The following IQGAP3 variants were observed in gnomAD, a reference collection of about 807,000 sequenced individuals.
IQGAP3 encodes the protein ras GTPase-activating-like protein IQGAP3.
Under a neutral mutation model 208.2 loss-of-function variants are expected in IQGAP3, and 165 were observed. That is an observed-to-expected ratio of 0.79 (90% CI 0.70 to 0.90). IQGAP3 has a LOEUF of 0.90. IQGAP3 is among the 40% of genes least tolerant of loss of function. The probability of loss-of-function intolerance (pLI) is 0.00; values close to 1 mark genes in which losing one functional copy is unlikely to be tolerated. For missense variants in IQGAP3, 1,811 were observed against 2,043.1 expected (o/e 0.89, Z 2.19); for synonymous variants, 703 against 803.6 (o/e 0.87, Z 2.12).
rs1384908384 is a variant in IQGAP3, at chr1:156,535,200, T to C, written c.3470A>G (p.Glu1157Gly). The C allele has an allele frequency of 6.2e-7, 1 of 1,613,662 alleles. No homozygotes were observed. The highest frequency in any genetic ancestry group is 8.5e-7 in the Non-Finnish European group (1 of 1,179,780). The change falls in exon 28 of 38, where the codon GAG becomes GGG. Residue 1157 changes from glutamate (E) to glycine (G), a missense_variant. Coordinates refer to ENST00000361170, the MANE Select transcript of IQGAP3 (RefSeq NM_178229.5). The part of the protein sequence containing the change: ...VAKVLKATLA[E>G]KFPDATDSEV... Reference sequence around the variant, plus strand: ...GCTGTCTGTGGCGTCAGGGAATTTCTCTGCCAGAGTTGCCTTCAGGACTTT... The same window carrying C: ...GCTGTCTGTGGCGTCAGGGAATTTCCCTGCCAGAGTTGCCTTCAGGACTTT...
At position 156,537,297 on chromosome 1, in the gene IQGAP3, C is replaced by T. The variant is rs763913370; in HGVS notation, c.3306G>A (p.Pro1102=). ...QRSHLPYDVT[P]EQALSHPEVQ... is the part of the protein sequence containing the mutation. ...CCTCGGGGTGGCTCAAGGCCTGCTC[C>T]GGGGTGACATCATATGGGAGATGGC... The change falls in exon 27 of 38, where the codon CCG becomes CCA. Residue 1102 remains proline (P), a synonymous_variant. Coordinates refer to ENST00000361170, the MANE Select transcript of IQGAP3 (RefSeq NM_178229.5). 1.6e-5 allele frequency: 26 copies of T among 1,613,554 alleles called. No homozygotes were observed. The highest frequency in any genetic ancestry group is 5.5e-5 in the South Asian group (5 of 91,048).
In IQGAP3 at chr1:156,540,837, A is replaced by G. The variant is rs754383497; in HGVS notation, c.2610T>C (p.Ala870=). ...LLNQSQQDFL[A]EAELLKLQEE... The stretch of plus-strand genomic sequence containing the variant: ...CCTGGAGCTTCAGCAGCTCTGCCTC[A>G]GCCAAGAAGTCTTGCTGGCTTTGAT... Residue 870 remains alanine (A), a synonymous_variant, in exon 23 of 38, where the codon GCT becomes GCC. Coordinates refer to ENST00000361170, the MANE Select transcript of IQGAP3 (RefSeq NM_178229.5). The G allele has an allele frequency of 6.2e-7, 1 of 1,614,106 alleles. No homozygotes were observed. Among genetic ancestry groups the G allele is most frequent in the Admixed American group, 1.7e-5 (1 of 60,012 alleles).
intron 27 of IQGAP3, 43 bp from the exon 28 acceptor site, chr1:156,535,290 A>G: frequency 1.5e-6 from 2 of 1,368,636 alleles, no homozygotes; most frequent in East Asian, 2.3e-5. Context: ...GCCTCTGCCC[A>G]TCTCTCTCTG....
Position 156,526,302 on chromosome 1 carries a change from A to G in IQGAP3, c.*184T>C, listed in dbSNP as rs1386652516. 2 of 593,084 alleles carry G rather than the reference A, an allele frequency of 3.4e-6. No homozygotes were observed. Among genetic ancestry groups the G allele is most frequent in the African/African-American group, 3.7e-5 (2 of 53,754 alleles). 36.7% of individuals were successfully genotyped at this position (593,084 alleles called of 1,614,324 possible). ...ACTCTGGGCAAGGCCCACTTTAGCCAATTAGAAGATACACTGTCTGTGGCC... is the reference window on the plus strand; with the variant it reads ...ACTCTGGGCAAGGCCCACTTTAGCCGATTAGAAGATACACTGTCTGTGGCC... On this transcript the variant is annotated 3_prime_UTR_variant, in exon 38 of 38. Coordinates refer to ENST00000361170, the MANE Select transcript of IQGAP3 (RefSeq NM_178229.5).
chr1:156,572,404 C>A (rs1419474808), intron 1 of IQGAP3, 89 bp downstream of exon 1: 15 of 1,411,320 alleles, frequency 1.1e-5, no homozygotes, highest in Non-Finnish European at 1.5e-5. Context: ...GCTTCACGCC[C>A]GACACACGCC....
chr1:156,531,998 T>C (rs148976071), intron 32 of IQGAP3, among the ~76,000 whole-genome samples: 1 of 152,200 alleles, frequency 6.6e-6, no homozygotes, highest in Non-Finnish European at 1.5e-5. Flanking sequence ...TCTGCCCAGA[T>C]GACCAGCTCA....
intron 22 of IQGAP3, among the ~76,000 whole-genome samples, chr1:156,543,235 G>A (rs1330884355): frequency 1.3e-5 from 2 of 152,150 alleles, no homozygotes; most frequent in African/African-American, 4.8e-5. Context: ...GGAAGCAGAT[G>A]GCCTGAGTGT....
intron 2 of IQGAP3, among the ~76,000 whole-genome samples, chr1:156,568,624 G>A (rs1394756542): frequency 6.6e-6 from 1 of 152,212 alleles, no homozygotes; most frequent in Admixed American, 6.5e-5. Flanking sequence ...CCAGGTTCAA[G>A]CAATCCTCCT....
intron 2 of IQGAP3, 50 bp downstream of exon 2, chr1:156,569,326 G>A (rs1676535990): frequency 1.7e-6 from 2 of 1,211,250 alleles, no homozygotes; most frequent in Non-Finnish European, 2.4e-6. Context: ...CTAGGGTGGG[G>A]TGGTAGAAAG....
chr1:156,534,435 GGACAA>G, intron 29 of IQGAP3, 61 bp downstream of exon 29: 1 of 1,209,806 alleles, frequency 8.3e-7, no homozygotes, highest in Non-Finnish European at 1.2e-6. Flanking sequence ...ATTCTGGAGG[GGACAA>G]GTGGGATGTC....
rs377222973 is a variant in IQGAP3, at chr1:156,537,974, C to T, written c.3282-653G>A. ...GTGCAGTGGTGCAATCTCGGCTCAC[C>T]GCAACCTCCCAGGTTCAAGTGATTC... On this transcript the variant is annotated intron_variant, in intron 26 of 37. Transcript: ENST00000361170. Among the ~76,000 whole-genome samples, 7 of 151,836 alleles carry T rather than the reference C, an allele frequency of 4.6e-5. No homozygotes were observed. In the East Asian group the frequency reaches 7.7e-4, roughly 17 times the overall value.
intron 8 of IQGAP3, 87 bp from the exon 9 acceptor site, chr1:156,562,752 T>A: frequency 8.3e-7 from 1 of 1,203,768 alleles, no homozygotes; most frequent in Non-Finnish European, 1.2e-6. Context: ...ACTTATTTCT[T>A]CTTCTGGGGA....
At chr1:156,531,857 G>A (rs867133159) in intron 32 of IQGAP3, among the ~76,000 whole-genome samples, 26 of 151,840 alleles carry the variant, frequency 1.7e-4, no homozygotes, top group Middle Eastern at 3.4e-3. Context: ...CACCTGCCTC[G>A]GCCTCCCAAA....
chr1:156,534,124 G>A lies in IQGAP3; in HGVS notation c.3758C>T (p.Ala1253Val), dbSNP rs775484026. Residue 1253 changes from alanine (A) to valine (V), a missense_variant, in exon 30 of 38, where the codon GCC (alanine) becomes GTC (valine). Ala to Val is a moderately conservative substitution (Grantham distance 64, BLOSUM62 0). Coordinates refer to ENST00000361170, the MANE Select transcript of IQGAP3 (RefSeq NM_178229.5). ...HLKFRKFIHR[A>V]CQVPEPEERF... is the part of the protein sequence containing the mutation. The stretch of plus-strand genomic sequence containing the variant: ...CTCCTCTGGCTCTGGCACCTGGCAG[G>A]CTCTATGGATGAACTTCCTGTCCAG... 1.2e-6 allele frequency: 2 copies of A among 1,613,830 alleles called. No individual in the cohort carries two copies. Among genetic ancestry groups the A allele is most frequent in the Non-Finnish European group, 1.7e-6 (2 of 1,180,028 alleles).
At chr1:156,546,060 T>C (rs1478061239) in intron 19 of IQGAP3, among the ~76,000 whole-genome samples, 1 of 152,172 alleles carries the variant, frequency 6.6e-6, no homozygotes, top group African/African-American at 2.4e-5. Context: ...GGAAGGCCCA[T>C]TTCCAAGCCT....
chr1:156,540,627 A>G, intron 23 of IQGAP3, 81 bp downstream of exon 23: 1 of 1,291,866 alleles, frequency 7.7e-7, no homozygotes, highest in South Asian at 1.3e-5. Context: ...AAAAAAATTG[A>G]TTAGCAAGCA....
intron 3 of IQGAP3, 104 bp downstream of exon 3, chr1:156,566,286 C>G: frequency 7.5e-7 from 1 of 1,330,732 alleles, no homozygotes; most frequent in Non-Finnish European, 1.1e-6. Context: ...TCCCTTTTAT[C>G]CAGATTTGGA....
intron 11 of IQGAP3, among the ~76,000 whole-genome samples, chr1:156,558,404 C>G (rs1676014861): frequency 3.3e-5 from 1 of 30,112 alleles, no homozygotes; most frequent in Non-Finnish European, 7.7e-5. Context: ...GCCAGCCGCC[C>G]TATCCAGGAG....
At position 156,539,442 on chromosome 1, in the gene IQGAP3, A is replaced by C; in HGVS notation, c.2988T>G (p.Tyr996Ter). The part of the protein sequence containing the change: ...MEAVIFSLYN[Y>*]ASSRREAYLL... ...GATAGGCCTCTCGGCGGCTGGAGGCATAGTTGTACAGGCTGAAAATCACTG... is the reference window on the plus strand; with the variant it reads ...GATAGGCCTCTCGGCGGCTGGAGGCCTAGTTGTACAGGCTGAAAATCACTG... The change falls in exon 25 of 38, where the codon TAT becomes TAG. Residue 996 changes from tyrosine (Y) to a stop codon, truncating the protein, a stop_gained. Transcript: ENST00000361170. LOFTEE classifies it high-confidence loss of function. The C allele has an allele frequency of 6.2e-7, 1 of 1,614,162 alleles. No individual in the cohort carries two copies. Among genetic ancestry groups the C allele is most frequent in the Non-Finnish European group, 8.5e-7 (1 of 1,180,020 alleles).
Sources: allele counts gnomAD v4.1 joint callset (sites outside exome capture counted in the v4.1 genomes callset), GRCh38; gene constraint gnomAD v4.1.1; transcripts MANE v1.5; gene names NCBI Gene and HGNC (gene_info 2026-07-23, HGNC 2026-07-21).